Variants in CPA4 observed in about 807,000 individuals in gnomAD.
CPA4 encodes the protein carboxypeptidase A3.
Under a neutral mutation model 54.7 loss-of-function variants are expected in CPA4, and 49 were observed. That is an observed-to-expected ratio of 0.90 (90% CI 0.71 to 1.14). CPA4 has a LOEUF of 1.14. CPA4 is among the 50% of genes most tolerant of loss of function. The pLI is 0.00. For synonymous variants in CPA4, 215 were observed against 206.8 expected, an observed-to-expected ratio of 1.04 and a Z score of -0.34; for missense variants, 487 against 525.1, an observed-to-expected ratio of 0.93 and a Z score of 0.71.
chr7:130,321,393 A>C (rs1307977303), intron 10 of CPA4, among the ~76,000 whole-genome samples: 3 of 152,046 alleles, frequency 2.0e-5, no homozygotes, highest in Non-Finnish European at 4.4e-5. Flanking sequence ...CCTAAAACTT[A>C]GCAGCTTAAA....
chr7:130,294,663 G>A (rs1313382305), intron 1 of CPA4, among the ~76,000 whole-genome samples: 1 of 152,234 alleles, frequency 6.6e-6, no homozygotes, highest in Non-Finnish European at 1.5e-5. Context: ...CTCTCTGCAG[G>A]AATTTTGCAC....
intron 9 of CPA4, 51 bp downstream of exon 9, chr7:130,311,037 G>A (rs776202693): frequency 1.4e-5 from 20 of 1,468,772 alleles, no homozygotes; most frequent in South Asian, 6.8e-5. Context: ...GACCCTCCTG[G>A]CGCTGCTAAG....
At chr7:130,303,931 T>C (rs1232088285) in intron 4 of CPA4, among the ~76,000 whole-genome samples, 1 of 152,112 alleles carries the variant, frequency 6.6e-6, no homozygotes, top group Non-Finnish European at 1.5e-5. Flanking sequence ...CATGAGCCAC[T>C]GCACCTGGCT....
At chr7:130,319,135 C>T (rs2117167836) in intron 10 of CPA4, among the ~76,000 whole-genome samples, 1 of 152,320 alleles carries the variant, frequency 6.6e-6, no homozygotes, top group Admixed American at 6.5e-5. Flanking sequence ...CTTTCTCCTG[C>T]CAGACTGTCA....
intron 1 of CPA4, chr7:130,293,624 G>T: frequency 1.5e-5 from 3 of 201,922 alleles, no homozygotes; most frequent in South Asian, 1.7e-4. Flanking sequence ...TACCAGAAAT[G>T]GTTTGTTTCC....
chr7:130,304,655 A>C (rs546377804), intron 5 of CPA4, 76 bp downstream of exon 5: 27 of 899,466 alleles, frequency 3.0e-5, no homozygotes, highest in Admixed American at 8.6e-5. Context: ...TGAAAAGGGT[A>C]GCTTTTTGAA....
At position 130,323,916 on chromosome 7, in the gene CPA4, T is replaced by TGTGA. The variant is rs1794170973; in HGVS notation, c.*1243_*1244insAGTG. The TGTGA allele has an allele frequency of 6.6e-6, 1 of 152,520 alleles. No individual in the cohort carries two copies. Among genetic ancestry groups the TGTGA allele is most frequent in the Non-Finnish European group, 1.5e-5 (1 of 68,624 alleles). 9.4% of individuals were successfully genotyped at this position (152,520 alleles called of 1,614,324 possible). ...TGGTTTGTGTGTGTGTGTGTGTGTG[T>TGTGA]GTGTGTGTGTGTGTGTGTGTTTGTG... On this transcript the variant is annotated 3_prime_UTR_variant, in exon 11 of 11. Coordinates refer to ENST00000222482, the MANE Select transcript of CPA4 (RefSeq NM_016352.4).
intron 10 of CPA4, among the ~76,000 whole-genome samples, chr7:130,320,123 T>C (rs1474186215): frequency 1.3e-5 from 2 of 152,218 alleles, no homozygotes; most frequent in African/African-American, 2.4e-5. Flanking sequence ...AATACACATT[T>C]GGTGCATTCA....
chr7:130,300,271 G>A (rs879878473), intron 3 of CPA4, among the ~76,000 whole-genome samples: 9 of 151,796 alleles, frequency 5.9e-5, no homozygotes, highest in Non-Finnish European at 1.3e-4. Context: ...GAGCGCATAT[G>A]TTGCTTCCAG....
intron 10 of CPA4, 111 bp downstream of exon 10, chr7:130,312,233 TTG>T: frequency 2.6e-6 from 2 of 777,382 alleles, no homozygotes; most frequent in South Asian, 3.1e-5. Flanking sequence ...ATTGTTTTTG[TTG>T]TTGGTAATAG....
intron 10 of CPA4, among the ~76,000 whole-genome samples, chr7:130,318,811 C>T (rs1794034117): frequency 6.6e-6 from 1 of 152,130 alleles, no homozygotes; most frequent in African/African-American, 2.4e-5. Context: ...TGTATAATAG[C>T]ACTCTATCCA....
chr7:130,298,926 T>A, intron 2 of CPA4, 99 bp downstream of exon 2: 1 of 756,596 alleles, frequency 1.3e-6, no homozygotes, highest in Non-Finnish European at 2.3e-6. Flanking sequence ...GAGGAGTCTC[T>A]GAATATAATC....
In CPA4 at chr7:130,323,004, C is replaced by A. The variant is rs1442669511; in HGVS notation, c.*328C>A. ...TCTCTCTCTACCTCATTTTTAGAAC[C>A]AAAGAACATCTGAGATGATTCTCTA... is the stretch of plus-strand genomic sequence containing the variant. On this transcript the variant is annotated 3_prime_UTR_variant, in exon 11 of 11. Coordinates refer to ENST00000222482, the MANE Select transcript of CPA4 (RefSeq NM_016352.4). 3 of 237,080 alleles carry A rather than the reference C, an allele frequency of 1.3e-5. No individual in the cohort carries two copies. The highest frequency in any genetic ancestry group is 2.2e-5 in the African/African-American group (1 of 44,688). 14.7% of individuals were successfully genotyped at this position (237,080 alleles called of 1,614,324 possible). A position where few individuals can be genotyped will look rare whatever the true frequency, so the allele number is the denominator to read the frequency against.
chr7:130,304,531 G>A lies in CPA4; in HGVS notation c.438G>A (p.Arg146=), dbSNP rs1393903340. 6.2e-7 allele frequency: 1 copy of A among 1,613,696 alleles called. No homozygotes were observed. The highest frequency in any genetic ancestry group is 1.3e-5 in the African/African-American group (1 of 74,908). ...CAGACTTTCCTGACCTGGCGAGGAG[G>A]GTGAAGATTGGACATTCGTTTGAAA... ...IAADFPDLAR[R]VKIGHSFENR... is the part of the protein sequence containing the mutation. The change falls in exon 5 of 11, where the codon AGG becomes AGA. Residue 146 remains arginine (R), a synonymous_variant. Transcript: ENST00000222482.
chr7:130,307,222 G>C (rs529215843), intron 7 of CPA4, among the ~76,000 whole-genome samples: 2 of 149,944 alleles, frequency 1.3e-5, no homozygotes, highest in African/African-American at 4.9e-5. Flanking sequence ...ACTTTAGTAC[G>C]CATCTCTAAC....
intron 4 of CPA4, among the ~76,000 whole-genome samples, chr7:130,303,507 T>TTG (rs1562929137): frequency 6.6e-6 from 1 of 152,202 alleles, no homozygotes; most frequent in Non-Finnish European, 1.5e-5. Flanking sequence ...ATTTGTATCA[T>TTG]TGTGTGTGTG....
intron 10 of CPA4, among the ~76,000 whole-genome samples, chr7:130,312,806 G>A (rs1793934528): frequency 6.6e-6 from 1 of 152,094 alleles, no homozygotes; most frequent in Admixed American, 6.6e-5. Flanking sequence ...TTAGGGAGGG[G>A]GAGCTTATCG....
intron 1 of CPA4, among the ~76,000 whole-genome samples, chr7:130,295,821 A>T (rs889491456): frequency 6.6e-5 from 10 of 152,082 alleles, no homozygotes; most frequent in Non-Finnish European, 1.2e-4. Flanking sequence ...CTCTACTAAA[A>T]ATACAAAATT....
chr7:130,298,205 G>A (rs552880706), intron 1 of CPA4, among the ~76,000 whole-genome samples: 4 of 152,304 alleles, frequency 2.6e-5, no homozygotes, highest in African/African-American at 4.8e-5. Context: ...TGGAGATGCT[G>A]TTTTCTTTCC....
Sources: gnomAD v4.1 joint callset for allele counts (sites outside exome capture counted in the v4.1 genomes callset) on GRCh38, gnomAD v4.1.1 for gene constraint, MANE v1.5 for transcripts, NCBI Gene and HGNC (gene_info 2026-07-23, HGNC 2026-07-21) for gene names.